ARL6: variants seen among roughly 807,000 people sequenced by gnomAD.
The protein encoded by ARL6 is ARF like GTPase 6, also known as ADP-ribosylation factor-like protein 6.
ARL6 carries 18 observed loss-of-function variants against 27.1 expected under a neutral mutation model. The ratio of observed to expected loss-of-function variants is 0.66; its 90% CI spans 0.46 to 0.98. The LOEUF (loss-of-function observed/expected upper bound fraction) is 0.98. ARL6 is among the 50% of genes least tolerant of loss of function. ARL6 has a pLI of 0.00. For missense variants in ARL6, 187 were observed against 214.9 expected, an observed-to-expected ratio of 0.87 and a Z score of 0.81; for synonymous variants, 65 against 72.3, an observed-to-expected ratio of 0.90 and a Z score of 0.51.
chr3:97,796,690 G>T (rs2038020534), intron 7 of ARL6, among the ~76,000 whole-genome samples: 3 of 152,190 alleles, frequency 2.0e-5, no homozygotes, highest in Non-Finnish European at 2.9e-5. Flanking sequence ...AACAGTGGAA[G>T]ATTCTGCAAG....
At chr3:97,784,376 A>G (rs1255772572) in intron 4 of ARL6, among the ~76,000 whole-genome samples, 1 of 151,848 alleles carries the variant, frequency 6.6e-6, no homozygotes, top group Non-Finnish European at 1.5e-5. Flanking sequence ...CTTAAAATAC[A>G]TCTATATATA....
chr3:97,794,670 G>A (rs1337924643), intron 7 of ARL6, among the ~76,000 whole-genome samples: 3 of 152,196 alleles, frequency 2.0e-5, no homozygotes, highest in Non-Finnish European at 2.9e-5. Flanking sequence ...TTATGTGAAT[G>A]TAGCTGTGAA....
At chr3:97,787,104 C>T (rs565169319) in intron 5 of ARL6, among the ~76,000 whole-genome samples, 2 of 152,228 alleles carry the variant, frequency 1.3e-5, no homozygotes, top group South Asian at 2.1e-4. Context: ...CCTATATACA[C>T]ATTTATTCAT....
intron 2 of ARL6, among the ~76,000 whole-genome samples, chr3:97,769,136 A>AT (rs1479705111): frequency 1.1e-4 from 16 of 152,180 alleles, no homozygotes; most frequent in Middle Eastern, 3.4e-3. Context: ...AAATTGTCTC[A>AT]TTTTTGTGGA....
Position 97,785,010 on chromosome 3 carries a change from G to A in ARL6, c.310G>A (p.Val104Met). 1 of 1,613,050 alleles carries A rather than the reference G, an allele frequency of 6.2e-7. No homozygotes were observed. The highest frequency in any genetic ancestry group is 1.1e-5 in the South Asian group (1 of 91,050). ...TAGTAGTGATAGATTAAGAATGGTT[G>A]TGGCCAAAGAAGAACTCGATACTCT... ...IDSSDRLRMV[V>M]AKEELDTLLN... is the part of the protein sequence containing the mutation. The change falls in exon 5 of 8, where the codon GTG becomes ATG. Residue 104 changes from valine (V) to methionine (M), a missense_variant. Physicochemically the swap from Val to Met is conservative, Grantham distance 21. Transcript: ENST00000463745.
intron 7 of ARL6, among the ~76,000 whole-genome samples, chr3:97,793,956 AT>A (rs1225671609): frequency 6.6e-6 from 1 of 152,002 alleles, no homozygotes; most frequent in Non-Finnish European, 1.5e-5. Flanking sequence ...CCTTGTGAAG[AT>A]TTTTTTAATC....
intron 2 of ARL6, among the ~76,000 whole-genome samples, chr3:97,779,879 A>C (rs1318471470): frequency 6.6e-6 from 1 of 151,844 alleles, no homozygotes; most frequent in Non-Finnish European, 1.5e-5. Context: ...AAAAAAAAAA[A>C]CACTTATTAA....
rs187168757 is a variant in ARL6 at position 97,782,222 on chromosome 3, C to T, written c.254+1539C>T. ...GTACAGGATTTTTTAAATTCCTCCT[C>T]CAATTAGTTGATAAATAATTCCTTT... On this transcript the variant is annotated intron_variant, in intron 4 of 7. Coordinates refer to ENST00000463745, the MANE Select transcript of ARL6 (RefSeq NM_001278293.3). 1.0e-3 allele frequency among the ~76,000 whole-genome samples: 159 copies of T among 151,974 alleles called. 1 individual carries two copies. The highest frequency in any genetic ancestry group is 1.5e-3 in the Non-Finnish European group (104 of 67,826).
intron 2 of ARL6, among the ~76,000 whole-genome samples, chr3:97,777,374 C>T (rs1314766366): frequency 6.6e-6 from 1 of 152,102 alleles, no homozygotes; most frequent in Non-Finnish European, 1.5e-5. Context: ...CCCCTTCCAC[C>T]CTCCTACCTA....
chr3:97,765,211 GGTGTGT>G (rs71113866), intron 1 of ARL6, among the ~76,000 whole-genome samples: 6,446 of 105,558 alleles, frequency 0.061, 307 homozygotes, highest in African/African-American at 0.15. Context: ...GTGTATTGGG[GGTGTGT>G]GTGTGTGTGT....
rs1265772154 is a variant in ARL6, at chr3:97,800,544, C to G, written c.*2495C>G. The G allele has an allele frequency of 1.3e-5, 2 of 151,508 alleles. No homozygotes were observed. The highest frequency in any genetic ancestry group is 3.0e-5 in the Non-Finnish European group (2 of 67,722). The allele number at this position is 151,508 out of a possible 1,614,324, so 9.4% of individuals were successfully genotyped here. A position where few individuals can be genotyped will look rare whatever the true frequency, so the allele number is the denominator to read the frequency against. ...CTGTGCTTTATAAATCACAAAAGAG[C>G]TGGGTTTTATATGTTTGTTTTTTAT... On this transcript the variant is annotated 3_prime_UTR_variant, in exon 8 of 8. Transcript: ENST00000463745.
chr3:97,774,250 C>A (rs1305985342), intron 2 of ARL6, among the ~76,000 whole-genome samples: 2 of 152,170 alleles, frequency 1.3e-5, no homozygotes, highest in African/African-American at 4.8e-5. Context: ...AGTGCACCAC[C>A]TCATGGATCA....
chr3:97,792,221 C>T (rs557643072), intron 7 of ARL6, among the ~76,000 whole-genome samples: 17 of 152,220 alleles, frequency 1.1e-4, no homozygotes, highest in Admixed American at 9.8e-4. Flanking sequence ...TGGCCGGGCA[C>T]GGTGGCTCAC....
intron 2 of ARL6, among the ~76,000 whole-genome samples, chr3:97,771,284 G>T (rs1294338741): frequency 6.6e-6 from 1 of 151,514 alleles, no homozygotes; most frequent in African/African-American, 2.4e-5. Context: ...TTATATATGG[G>T]ATTACTTTCT....
rs2037391980 is a variant in ARL6 at position 97,785,192 on chromosome 3, A to G, written c.349+143A>G. 6 of 606,470 alleles carry G rather than the reference A, an allele frequency of 9.9e-6. No individual in the cohort carries two copies. In the South Asian group the frequency reaches 1.5e-4, roughly 15 times the overall value. The allele number at this position is 606,470 out of a possible 1,614,324, so 37.6% of individuals were successfully genotyped here. A position where few individuals can be genotyped will look rare whatever the true frequency, so the allele number is the denominator to read the frequency against. Reference sequence around the variant, plus strand: ...AAAACATATATGTTATACAAAATTTATATTTTATGTACATCACCATATTTT... The same window carrying G: ...AAAACATATATGTTATACAAAATTTGTATTTTATGTACATCACCATATTTT... On this transcript the variant is annotated intron_variant, in intron 5 of 7. Coordinates refer to ENST00000463745, the MANE Select transcript of ARL6 (RefSeq NM_001278293.3).
At chr3:97,777,626 G>T (rs1400655491) in intron 2 of ARL6, among the ~76,000 whole-genome samples, 1 of 152,140 alleles carries the variant, frequency 6.6e-6, no homozygotes, top group Non-Finnish European at 1.5e-5. Flanking sequence ...AGGGCTGACT[G>T]TAATTCCTAT....
In ARL6 at chr3:97,768,172, G is replaced by A; in HGVS notation, c.65G>A (p.Cys22Tyr). ...GLKKKEVHVL[C>Y]LGLDNSGKTT... ...AAGAAGAAGGAGGTTCATGTTTTGT[G>A]CCTTGGGCTAGATAATAGTGGCAAA... The change falls in exon 2 of 8, where the codon TGC becomes TAC. Residue 22 changes from cysteine (C) to tyrosine (Y), a missense_variant. Physicochemically the swap from Cys to Tyr is radical, Grantham distance 194. Transcript: ENST00000463745. 1.9e-6 allele frequency: 3 copies of A among 1,613,064 alleles called. No homozygotes were observed. The highest frequency in any genetic ancestry group is 2.5e-6 in the Non-Finnish European group (3 of 1,179,180).
chr3:97,773,583 G>A (rs1039141745), intron 2 of ARL6, among the ~76,000 whole-genome samples: 6 of 151,956 alleles, frequency 3.9e-5, no homozygotes, highest in African/African-American at 1.2e-4. Context: ...TCGTACAACC[G>A]GAAATATACC....
intron 7 of ARL6, among the ~76,000 whole-genome samples, chr3:97,794,919 G>T (rs1480288688): frequency 6.6e-6 from 1 of 151,974 alleles, no homozygotes; most frequent in African/African-American, 2.4e-5. Context: ...AAACACTATT[G>T]TGACTAAAAA....
Sources: gnomAD v4.1 joint callset for allele counts (sites outside exome capture counted in the v4.1 genomes callset) on GRCh38, gnomAD v4.1.1 for gene constraint, MANE v1.5 for transcripts, NCBI Gene and HGNC (gene_info 2026-07-23, HGNC 2026-07-21) for gene names.